Variants in TUSC3 observed in about 807,000 individuals in gnomAD.
TUSC3 encodes the protein dolichyl-diphosphooligosaccharide--protein glycosyltransferase subunit TUSC3.
TUSC3 carries 45 observed loss-of-function variants against 44.8 expected under a neutral mutation model. The ratio of observed to expected loss-of-function variants is 1.00; its 90% CI spans 0.79 to 1.29. TUSC3 has a LOEUF of 1.29. Among genes scored for constraint, TUSC3 ranks in the 50% most tolerant of loss-of-function variants. The pLI is 0.00. For synonymous variants in TUSC3, 212 were observed against 152.9 expected, an observed-to-expected ratio of 1.39 and a Z score of -2.85; for missense variants, 519 against 437.9, an observed-to-expected ratio of 1.19 and a Z score of -1.65.
chr8:15,460,012 C>G (rs1800323010), intron 1 of TUSC3, among the ~76,000 whole-genome samples: 1 of 152,156 alleles, frequency 6.6e-6, no homozygotes, highest in African/African-American at 2.4e-5. Flanking sequence ...GTGCAAGTAT[C>G]TTTTTCATGT....
chr8:15,693,293 C>T (rs577230663), intron 6 of TUSC3, among the ~76,000 whole-genome samples: 2 of 152,234 alleles, frequency 1.3e-5, no homozygotes, highest in African/African-American at 2.4e-5. Flanking sequence ...TGGCCAGTAA[C>T]AGTCTTTTCT....
chr8:15,695,715 T>G (rs1409490780), intron 6 of TUSC3, among the ~76,000 whole-genome samples: 7 of 152,148 alleles, frequency 4.6e-5, no homozygotes, highest in Admixed American at 3.9e-4. Flanking sequence ...ATATGAACAA[T>G]GAAATCCAGA....
chr8:15,724,885 T>C (rs1810443113), intron 6 of TUSC3, among the ~76,000 whole-genome samples: 3 of 152,182 alleles, frequency 2.0e-5, no homozygotes, highest in African/African-American at 7.2e-5. Flanking sequence ...TAATCACCCA[T>C]GTTTCCTCTA....
chr8:15,843,097 A>C, the TUSC3 span, among the ~76,000 whole-genome samples: 1 of 152,300 alleles, frequency 6.6e-6, no homozygotes, highest in Non-Finnish European at 1.5e-5. Context: ...CATTCACTGC[A>C]AAATAACAGA....
At chr8:15,831,147 C>T in the TUSC3 span, among the ~76,000 whole-genome samples, 1 of 152,292 alleles carries the variant, frequency 6.6e-6, no homozygotes, top group Non-Finnish European at 1.5e-5. Context: ...CAAAACAAGT[C>T]CCCCAGAATT....
At chr8:15,659,834 G>C (rs924637091) in intron 4 of TUSC3, among the ~76,000 whole-genome samples, 187 bp downstream of exon 4, 1 of 152,050 alleles carries the variant, frequency 6.6e-6, no homozygotes, top group South Asian at 2.1e-4. Flanking sequence ...TTTTAAAATA[G>C]TGGTTCACTG....
rs77039635 is a variant in TUSC3, at chr8:15,596,912, A to C, written c.139-26168A>C. 2.1e-4 allele frequency among the ~76,000 whole-genome samples: 32 copies of C among 152,270 alleles called. No individual in the cohort carries two copies. The East Asian group carries it at 5.6e-3, about 27-fold the overall frequency. On this transcript the variant is annotated intron_variant, in intron 1 of 10. Coordinates refer to ENST00000503731, the MANE Select transcript of TUSC3 (RefSeq NM_006765.4). ...TTCTTAATTTAACATAGTTGACTGCAGGCTGTGATAGATACTGTGTAGCAG... is the reference window on the plus strand; with the variant it reads ...TTCTTAATTTAACATAGTTGACTGCCGGCTGTGATAGATACTGTGTAGCAG...
chr8:15,552,477 G>A lies in TUSC3; in HGVS notation c.138+11909G>A, dbSNP rs185530392. ...AGAAGTCAATAAACTGGGAAATAATGGGCGCTATACTAGCATATTGGGGTG... is the reference window on the plus strand; with the variant it reads ...AGAAGTCAATAAACTGGGAAATAATAGGCGCTATACTAGCATATTGGGGTG... On this transcript the variant is annotated intron_variant, in intron 1 of 10. Coordinates refer to ENST00000503731, the MANE Select transcript of TUSC3 (RefSeq NM_006765.4). 1.9e-3 allele frequency among the ~76,000 whole-genome samples: 286 copies of A among 151,784 alleles called. 3 individuals carry two copies. Among genetic ancestry groups the A allele is most frequent in the African/African-American group, 6.7e-3 (277 of 41,500 alleles).
intron 1 of TUSC3, among the ~76,000 whole-genome samples, chr8:15,451,109 T>C (rs1800192839): frequency 6.6e-6 from 1 of 152,160 alleles, no homozygotes; most frequent in South Asian, 2.1e-4. Context: ...GCATCCTAGC[T>C]ACAGAGGGAA....
intron 6 of TUSC3, among the ~76,000 whole-genome samples, chr8:15,678,369 T>C (rs1022607362): frequency 6.6e-6 from 1 of 152,150 alleles, no homozygotes; most frequent in Non-Finnish European, 1.5e-5. Flanking sequence ...TCATAGACTG[T>C]ATTTACTACA....
chr8:15,552,834 G>C (rs1242383485), intron 1 of TUSC3, among the ~76,000 whole-genome samples: 1 of 151,688 alleles, frequency 6.6e-6, no homozygotes, highest in Admixed American at 6.6e-5. Context: ...GCTATGCTGT[G>C]GAGAATAGCT....
At chr8:15,676,893 A>G (rs1479250109) in intron 6 of TUSC3, among the ~76,000 whole-genome samples, 1 of 152,210 alleles carries the variant, frequency 6.6e-6, no homozygotes, top group Admixed American at 6.5e-5. Context: ...TGCAAAAAGG[A>G]GAAAATTTGA....
intron 1 of TUSC3, among the ~76,000 whole-genome samples, chr8:15,622,530 A>C (rs1429079): frequency 6.6e-6 from 1 of 151,898 alleles, no homozygotes; most frequent in Non-Finnish European, 1.5e-5. Context: ...TGTGCTGTCT[A>C]CCAGTCACTG....
At chr8:15,701,219 T>A (rs1199258008) in intron 6 of TUSC3, among the ~76,000 whole-genome samples, 1 of 152,122 alleles carries the variant, frequency 6.6e-6, no homozygotes, top group African/African-American at 2.4e-5. Flanking sequence ...AAAACCTTTT[T>A]ATTCCCCCAC....
At chr8:15,727,500 A>G (rs1810544344) in intron 6 of TUSC3, among the ~76,000 whole-genome samples, 1 of 152,186 alleles carries the variant, frequency 6.6e-6, no homozygotes, top group Non-Finnish European at 1.5e-5. Flanking sequence ...TAATTGATCA[A>G]TTAAAAATTT....
At chr8:15,470,063 C>A (rs371173745) in intron 1 of TUSC3, among the ~76,000 whole-genome samples, 7 of 151,666 alleles carry the variant, frequency 4.6e-5, no homozygotes, top group African/African-American at 1.7e-4. Flanking sequence ...CAAGACCAGC[C>A]TGGGAAACAT....
At chr8:15,798,068 C>T in the TUSC3 span, among the ~76,000 whole-genome samples, 7 of 152,162 alleles carry the variant, frequency 4.6e-5, no homozygotes, top group Admixed American at 1.3e-4. Flanking sequence ...ACATAAGGTA[C>T]GGAGCTATTT....
chr8:15,615,100 C>T (rs972715155), intron 1 of TUSC3, among the ~76,000 whole-genome samples: 2 of 152,126 alleles, frequency 1.3e-5, no homozygotes, highest in African/African-American at 4.8e-5. Context: ...TCAGCAATCT[C>T]AATGATGGTT....
intron 1 of TUSC3, among the ~76,000 whole-genome samples, chr8:15,563,469 CA>C (rs1229168323): frequency 2.6e-5 from 4 of 152,064 alleles, no homozygotes; most frequent in Non-Finnish European, 5.9e-5. Context: ...GGGCGGATCA[CA>C]AGGTCAGGAG....
Sources: gnomAD v4.1 joint callset for allele counts (sites outside exome capture counted in the v4.1 genomes callset) on GRCh38, gnomAD v4.1.1 for gene constraint, MANE v1.5 for transcripts, NCBI Gene and HGNC (gene_info 2026-07-23, HGNC 2026-07-21) for gene names.